The following LGALS8 variants were observed in gnomAD, a reference collection of about 807,000 sequenced individuals.
The protein encoded by LGALS8 is galectin 8, also known as galectin-8.
A neutral mutation model predicts 35.9 loss-of-function variants in LGALS8; 30 were observed. That is an observed-to-expected ratio of 0.83 (90% CI 0.62 to 1.13). The LOEUF (loss-of-function observed/expected upper bound fraction) is 1.13. Among genes scored for constraint, LGALS8 ranks in the 50% most tolerant of loss-of-function variants. The pLI is 0.00. For missense variants in LGALS8, 366 were observed against 388.7 expected (o/e 0.94, Z 0.49); for synonymous variants, 138 against 136.1 (o/e 1.01, Z -0.10).
chr1:236,528,892 G>A (rs1446607313), intron 2 of LGALS8, among the ~76,000 whole-genome samples: 1 of 152,154 alleles, frequency 6.6e-6, no homozygotes, highest in Non-Finnish European at 1.5e-5. Flanking sequence ...AAAAGATGAA[G>A]TAAATATTGC....
chr1:236,541,694 AG>A lies in LGALS8; in HGVS notation c.507del (p.Ile170Ter), dbSNP rs766410549. ...STQASSLELT[E>X]ISRENVPKSG... ...CAAGCATCTAGTCTGGAACTGACAGAGATAAGTAGAGAAAATGTAAATATTA... is the reference window on the plus strand; with the variant it reads ...CAAGCATCTAGTCTGGAACTGACAGAATAAGTAGAGAAAATGTAAATATTA... On this transcript the variant is annotated frameshift_variant, in exon 6 of 10. Coordinates refer to ENST00000366584, the MANE Select transcript of LGALS8 (RefSeq NM_201544.4). LOFTEE classifies it high-confidence loss of function. The A allele has an allele frequency of 6.6e-7, 1 of 1,509,032 alleles. No individual in the cohort carries two copies. The highest frequency in any genetic ancestry group is 1.4e-5 in the African/African-American group (1 of 71,550). The allele number at this position is 1,509,032 out of a possible 1,614,324, so 93.5% of individuals were successfully genotyped here. A position where few individuals can be genotyped will look rare whatever the true frequency, so the allele number is the denominator to read the frequency against.
intron 6 of LGALS8, chr1:236,542,422 G>A (rs1572014777): frequency 6.7e-6 from 2 of 299,954 alleles, no homozygotes; most frequent in Non-Finnish European, 1.2e-5. Flanking sequence ...TGAGGCTGCA[G>A]TGAGCCATGA....
chr1:236,528,401 CA>C (rs1558155796), intron 2 of LGALS8, among the ~76,000 whole-genome samples: 1 of 141,824 alleles, frequency 7.1e-6, no homozygotes. Flanking sequence ...AAAACCCCCC[CA>C]CACACAAAAC....
At chr1:236,524,276 G>A (rs12734063) in intron 1 of LGALS8, 907 of 456,028 alleles carry the variant, frequency 2.0e-3, no homozygotes, top group Middle Eastern at 5.2e-3. Context: ...CAGGCGAGGC[G>A]CTCCGGGGCA....
upstream of LGALS8, among the ~76,000 whole-genome samples, chr1:236,519,963 T>TG (rs1410367436): frequency 1.3e-5 from 2 of 149,042 alleles, no homozygotes; most frequent in African/African-American, 5.0e-5. Context: ...TTTTTTTTTT[T>TG]TTTTTTTTTT....
In LGALS8 at chr1:236,539,040, G is replaced by A; in HGVS notation, c.296G>A (p.Arg99Lys). The change falls in exon 4 of 10, where the codon AGA (arginine) becomes AAA (lysine). Residue 99 changes from arginine to lysine, a missense_variant. Physicochemically the swap from Arg to Lys is conservative, Grantham distance 26. Coordinates refer to ENST00000366584, the MANE Select transcript of LGALS8 (RefSeq NM_201544.4). Reference sequence around the variant, plus strand: ...ATCACCTATGACACGCCTTTCAAAAGAGAAAAGTCTTTTGAGATCGTGATT... The same window carrying A: ...ATCACCTATGACACGCCTTTCAAAAAAGAAAAGTCTTTTGAGATCGTGATT... ...EEITYDTPFK[R>K]EKSFEIVIMV... is the part of the protein sequence containing the mutation. 4 of 1,614,168 alleles carry A rather than the reference G, an allele frequency of 2.5e-6. No homozygotes were observed. Among genetic ancestry groups the A allele is most frequent in the Non-Finnish European group, 3.4e-6 (4 of 1,180,036 alleles).
At chr1:236,518,419 T>C (rs1266379) in intron 1 of LGALS8, 43,315 of 152,032 alleles carry the variant, frequency 0.28, 6,379 homozygotes, top group East Asian at 0.51. Context: ...AATGAATTCC[T>C]TTAGATTGGG....
chr1:236,542,859 C>G, intron 7 of LGALS8, 72 bp downstream of exon 7: 1 of 1,614,088 alleles, frequency 6.2e-7, no homozygotes, highest in Non-Finnish European at 8.5e-7. Context: ...ACAGTTTAAA[C>G]CGTGGAGGGC....
intron 2 of LGALS8, among the ~76,000 whole-genome samples, chr1:236,528,911 T>G (rs552646520): frequency 6.6e-6 from 1 of 152,346 alleles, no homozygotes; most frequent in East Asian, 1.9e-4. Flanking sequence ...GCAACTGGCC[T>G]ATGTATTTTT....
rs2103115867 is a variant in LGALS8 at position 236,549,457 on chromosome 1, G to A, written c.*1296G>A. On this transcript the variant is annotated 3_prime_UTR_variant, in exon 10 of 10. Transcript: ENST00000366584. The stretch of plus-strand genomic sequence containing the variant: ...TGGGGCAGAACTCTGCCAGGATTTA[G>A]GAATATTTTCAGAACAGATTTTAGA... 1 of 154,130 alleles carries A rather than the reference G, an allele frequency of 6.5e-6. No individual in the cohort carries two copies. Among genetic ancestry groups the A allele is most frequent in the South Asian group, 2.1e-4 (1 of 4,848 alleles). The allele number at this position is 154,130 out of a possible 1,614,324, so 9.5% of individuals were successfully genotyped here. A position where few individuals can be genotyped will look rare whatever the true frequency, so the allele number is the denominator to read the frequency against.
At chr1:236,541,524 T>A (rs1190780131) in intron 5 of LGALS8, 130 bp from the exon 6 acceptor site, 1 of 563,078 alleles carries the variant, frequency 1.8e-6, no homozygotes, top group South Asian at 2.6e-5. Context: ...CAGTGTCAAG[T>A]GTATTTTTGG....
At chr1:236,523,918 A>T (rs969375997), upstream of LGALS8, 7 of 358,494 alleles carry the variant, frequency 2.0e-5, no homozygotes, top group Non-Finnish European at 3.9e-5. Context: ...CACAGCAGTG[A>T]GGCGCGCGAG....
At chr1:236,537,417 CAAT>C (rs1347775397) in intron 2 of LGALS8, 77 bp from the exon 3 acceptor site, 34 of 837,302 alleles carry the variant, frequency 4.1e-5, no homozygotes, top group Admixed American at 2.0e-4. Context: ...TTTTCTCTAT[CAAT>C]AATGAGTGTG....
upstream of LGALS8, among the ~76,000 whole-genome samples, chr1:236,519,705 A>G (rs139497028): frequency 7.1e-3 from 1,083 of 152,206 alleles, 10 homozygotes; most frequent in African/African-American, 0.024. Context: ...TCTTTGGGGG[A>G]AAAAGTTCCT....
At chr1:236,530,517 A>T (rs1558157081) in intron 2 of LGALS8, among the ~76,000 whole-genome samples, 2 of 151,528 alleles carry the variant, frequency 1.3e-5, no homozygotes, top group Admixed American at 1.3e-4. Context: ...TCACTCATAG[A>T]TTTTTTTTTC....
intron 4 of LGALS8, 117 bp from the exon 5 acceptor site, chr1:236,540,447 C>G: frequency 2.5e-6 from 3 of 1,207,338 alleles, no homozygotes; most frequent in South Asian, 1.8e-5. Context: ...GTGTGGAGAC[C>G]TGTGGGAACA....
intron 7 of LGALS8, chr1:236,543,174 G>T: frequency 1.3e-6 from 1 of 771,904 alleles, no homozygotes; most frequent in Non-Finnish European, 2.1e-6. Context: ...GGACGGATTC[G>T]AGAGTCAACC....
intron 2 of LGALS8, among the ~76,000 whole-genome samples, chr1:236,527,535 C>G (rs1190998600): frequency 8.6e-5 from 13 of 151,982 alleles, no homozygotes; most frequent in Admixed American, 8.5e-4. Flanking sequence ...TCAGTTCTCA[C>G]AAAAGAGTCG....
In LGALS8 at chr1:236,527,744, T is replaced by TA. The variant is rs1419068242; in HGVS notation, c.45+1631dup. On this transcript the variant is annotated intron_variant, in intron 2 of 9. Transcript: ENST00000366584. ...ATTTATTCAATTAATTTTTTTTTTT[T>TA]AATTTTTTGAGATATAGTTTCCCTC... Among the ~76,000 whole-genome samples the TA allele has an allele frequency of 4.2e-4, 64 of 151,122 alleles. No individual in the cohort carries two copies. The East Asian group carries it at 7.0e-3, about 16-fold the overall frequency.
Sources: gnomAD v4.1 joint callset for allele counts (sites outside exome capture counted in the v4.1 genomes callset) on GRCh38, gnomAD v4.1.1 for gene constraint, MANE v1.5 for transcripts, NCBI Gene and HGNC (gene_info 2026-07-23, HGNC 2026-07-21) for gene names.